ATAD2B: variants seen among roughly 807,000 people sequenced by gnomAD.
ATAD2B encodes the protein ATPase family AAA domain-containing protein 2B.
A neutral mutation model predicts 167.6 loss-of-function variants in ATAD2B; 40 were observed. That is an observed-to-expected ratio of 0.24 (90% CI 0.19 to 0.31). The LOEUF is 0.31. Among genes scored for constraint, ATAD2B ranks in the 10% least tolerant of loss-of-function variants. ATAD2B has a pLI of 1.00. For missense variants in ATAD2B, 1,242 were observed against 1,757.2 expected (o/e 0.71, Z 5.24); for synonymous variants, 579 against 596.5 (o/e 0.97, Z 0.43).
At chr2:23,865,933 C>T in intron 10 of ATAD2B, 3 of 954,592 alleles carry the variant, frequency 3.1e-6, no homozygotes, top group Non-Finnish European at 3.7e-6. Flanking sequence ...AAAGTGTTAA[C>T]TGTGACTGCC....
intron 13 of ATAD2B, among the ~76,000 whole-genome samples, chr2:23,843,329 G>C (rs534189685): frequency 6.6e-6 from 1 of 152,268 alleles, no homozygotes; most frequent in South Asian, 2.1e-4. Flanking sequence ...ACTGAAAAAT[G>C]ACAAATTTGT....
chr2:23,864,911 C>A lies in ATAD2B; in HGVS notation c.1202G>T (p.Ser401Ile). 6.3e-7 allele frequency: 1 copy of A among 1,586,638 alleles called. No homozygotes were observed. Reference sequence around the variant, plus strand: ...AATATGATGGCTCAATCCACCTATGCTATCAAACCGTACCTTGGAAAGAAG... The same window carrying A: ...AATATGATGGCTCAATCCACCTATGATATCAAACCGTACCTTGGAAAGAAG... ...MNIDKSVRFD[S>I]IGGLSHHIHA... The change falls in exon 11 of 28, where the codon AGC (serine) becomes ATC (isoleucine). Residue 401 changes from serine to isoleucine, a missense_variant. Coordinates refer to ENST00000238789, the MANE Select transcript of ATAD2B (RefSeq NM_017552.4).
the ATAD2B span, among the ~76,000 whole-genome samples, chr2:23,719,618 A>C: frequency 6.6e-6 from 1 of 152,126 alleles, no homozygotes; most frequent in Non-Finnish European, 1.5e-5. Flanking sequence ...CACATCCATG[A>C]CACCCTTTCC....
chr2:23,810,270 T>C lies in ATAD2B; in HGVS notation c.2454+46A>G, dbSNP rs1002369573. On this transcript the variant is annotated intron_variant, in intron 18 of 27. Coordinates refer to ENST00000238789, the MANE Select transcript of ATAD2B (RefSeq NM_017552.4). ...ACACACTAGAAATACTACCAAATTA[T>C]AAGCAATAAGAAAGTTGGAAGTGCT... 3 of 1,507,978 alleles carry C rather than the reference T, an allele frequency of 2.0e-6. No individual in the cohort carries two copies. In the African/African-American group the frequency reaches 4.1e-5, roughly 21 times the overall value. The allele number at this position is 1,507,978 out of a possible 1,614,324, so 93.4% of individuals were successfully genotyped here. A position where few individuals can be genotyped will look rare whatever the true frequency, so the allele number is the denominator to read the frequency against.
At chr2:23,744,245 C>T (rs553693077), downstream of ATAD2B, among the ~76,000 whole-genome samples, 1 of 149,060 alleles carries the variant, frequency 6.7e-6, no homozygotes, top group African/African-American at 2.4e-5. Context: ...ATCAAATAAT[C>T]AGCTACAGGT....
At chr2:23,925,946 A>G (rs1030163772) in intron 1 of ATAD2B, among the ~76,000 whole-genome samples, 3 of 152,134 alleles carry the variant, frequency 2.0e-5, no homozygotes, top group Non-Finnish European at 4.4e-5. Context: ...CTGGTTCCCC[A>G]GCTATAATAT....
intron 7 of ATAD2B, among the ~76,000 whole-genome samples, chr2:23,878,919 A>C (rs936508342): frequency 6.6e-6 from 1 of 152,218 alleles, no homozygotes; most frequent in Non-Finnish European, 1.5e-5. Context: ...AAAGAAAAAC[A>C]AATGAAAAGA....
At chr2:23,918,597 T>A (rs942831985) in intron 1 of ATAD2B, among the ~76,000 whole-genome samples, 3 of 152,192 alleles carry the variant, frequency 2.0e-5, no homozygotes, top group Non-Finnish European at 2.9e-5. Flanking sequence ...TATCCCTATA[T>A]GTTACTATTC....
intron 22 of ATAD2B, among the ~76,000 whole-genome samples, chr2:23,769,377 T>G (rs1403073943): frequency 1.3e-5 from 2 of 151,718 alleles, no homozygotes; most frequent in African/African-American, 4.8e-5. Flanking sequence ...GAGGCAGAGG[T>G]TGCAGTGAGC....
the ATAD2B span, chr2:23,695,926 A>C: frequency 6.5e-7 from 1 of 1,548,352 alleles, no homozygotes; most frequent in Non-Finnish European, 8.7e-7. The surrounding 1 kb of genome is among the most constrained non-coding windows in gnomAD (Gnocchi z 7.6). Flanking sequence ...GTGTGTCCCA[A>C]GGGCGCCCAT....
Position 23,885,734 on chromosome 2 carries a change from G to T in ATAD2B, c.668C>A (p.Thr223Lys). 1.3e-6 allele frequency: 2 copies of T among 1,573,618 alleles called. No individual in the cohort carries two copies. The highest frequency in any genetic ancestry group is 1.7e-6 in the Non-Finnish European group (2 of 1,152,330). ...TACAGCTAATATACTCACAAATTCTGTATCTGTCCACATTCGAAGTCGTTC... is the reference window on the plus strand; with the variant it reads ...TACAGCTAATATACTCACAAATTCTTTATCTGTCCACATTCGAAGTCGTTC... Reference protein sequence around the residue: ...EVERLRMWTDTEFENMDMYSR... With the variant: ...EVERLRMWTDKEFENMDMYSR... Residue 223 changes from threonine to lysine, a missense_variant, in exon 5 of 28, where the codon ACA (threonine) becomes AAA (lysine). Thr to Lys is a moderately conservative substitution (Grantham distance 78). Transcript: ENST00000238789.
At chr2:23,717,696 A>C in the ATAD2B span, among the ~76,000 whole-genome samples, 1 of 152,198 alleles carries the variant, frequency 6.6e-6, no homozygotes. Context: ...ATAAGAAAAG[A>C]CTTCGAAAGG....
chr2:23,706,663 G>C, the ATAD2B span: 1 of 1,517,836 alleles, frequency 6.6e-7, no homozygotes. Context: ...CAAAGCGGCT[G>C]ACATCAGCAG....
intron 6 of ATAD2B, among the ~76,000 whole-genome samples, chr2:23,881,033 C>T (rs1309297503): frequency 6.6e-6 from 1 of 152,132 alleles, no homozygotes; most frequent in Non-Finnish European, 1.5e-5. Context: ...TTTGATTCTC[C>T]TTGTTCATAC....
chr2:23,805,491 G>A (rs1028710117), intron 18 of ATAD2B, among the ~76,000 whole-genome samples: 1 of 152,278 alleles, frequency 6.6e-6, no homozygotes, highest in African/African-American at 2.4e-5. Context: ...CACGTGAAGG[G>A]ATATTCAGTT....
the ATAD2B span, among the ~76,000 whole-genome samples, chr2:23,683,226 G>A: frequency 6.6e-6 from 1 of 152,234 alleles, no homozygotes; most frequent in African/African-American, 2.4e-5. Flanking sequence ...ATGGCCGGTG[G>A]GGCTGGAGAG....
At chr2:23,742,979 G>A in the ATAD2B span, among the ~76,000 whole-genome samples, 1 of 152,062 alleles carries the variant, frequency 6.6e-6, no homozygotes, top group Non-Finnish European at 1.5e-5. Context: ...CAGAGCATCA[G>A]AGGAAAACTG....
chr2:23,740,570 C>A, the ATAD2B span, among the ~76,000 whole-genome samples: 2 of 151,966 alleles, frequency 1.3e-5, no homozygotes, highest in Non-Finnish European at 2.9e-5. Context: ...TAAGAGCTAT[C>A]TATGACAAAC....
At chr2:23,834,907 A>T (rs540822307) in intron 13 of ATAD2B, among the ~76,000 whole-genome samples, 67 of 152,304 alleles carry the variant, frequency 4.4e-4, no homozygotes, top group African/African-American at 1.6e-3. Context: ...AAATATTTTT[A>T]AAAAATTAGG....
Sources: gnomAD v4.1 joint callset for allele counts (sites outside exome capture counted in the v4.1 genomes callset) on GRCh38, gnomAD v4.1.1 for gene constraint, Gnocchi (gnomAD v3.1) non-coding constraint, MANE v1.5 for transcripts, NCBI Gene and HGNC (gene_info 2026-07-23, HGNC 2026-07-21) for gene names.